Variants in SEMA3A observed in about 807,000 individuals in gnomAD.
The protein encoded by SEMA3A is semaphorin-3A.
In SEMA3A, 29 loss-of-function variants were observed where a neutral mutation model predicts 97.9. The ratio of observed to expected loss-of-function variants is 0.30; its 90% CI spans 0.22 to 0.40. SEMA3A has a LOEUF of 0.40. SEMA3A is among the 10% of genes least tolerant of loss of function. SEMA3A has a pLI of 1.00. For missense variants in SEMA3A, 763 were observed against 951.3 expected, an observed-to-expected ratio of 0.80 and a Z score of 2.60; for synonymous variants, 321 against 323.7, an observed-to-expected ratio of 0.99 and a Z score of 0.09.
intron 1 of SEMA3A, among the ~76,000 whole-genome samples, chr7:84,142,349 TA>T (rs1460234774): frequency 6.6e-6 from 1 of 152,096 alleles, no homozygotes; most frequent in African/African-American, 2.4e-5. Flanking sequence ...CCTAAATCTG[TA>T]ACAGCAACAA....
At chr7:84,424,567 TAAATATTAATATATATTA>T (rs1562942609) in intron 1 of SEMA3A, among the ~76,000 whole-genome samples, 6 of 80,644 alleles carry the variant, frequency 7.4e-5, no homozygotes, top group African/African-American at 3.9e-4. Flanking sequence ...ATATAATATA[TAAATATTAATATATATTA>T]TATATAATAT....
At chr7:83,963,461 C>T (rs1788555658) in intron 15 of SEMA3A, 114 bp from the exon 16 acceptor site, 1 of 1,129,542 alleles carries the variant, frequency 8.9e-7, no homozygotes, top group Non-Finnish European at 1.3e-6. Context: ...GAAGTTGTTT[C>T]ACATTGATTG....
intron 2 of SEMA3A, among the ~76,000 whole-genome samples, chr7:84,331,285 T>C (rs1274192543): frequency 6.6e-6 from 1 of 152,078 alleles, no homozygotes; most frequent in East Asian, 1.9e-4. Context: ...CTTCCAAAGA[T>C]TTTTTAGCTT....
intron 15 of SEMA3A, 90 bp from the exon 16 acceptor site, chr7:83,963,437 T>A (rs1363399579): frequency 7.2e-7 from 1 of 1,389,534 alleles, no homozygotes; most frequent in East Asian, 2.3e-5. Context: ...AGGAGACAAG[T>A]TATTGCCAAG....
intron 1 of SEMA3A, among the ~76,000 whole-genome samples, chr7:84,417,149 A>AAAGGGT (rs1291381751): frequency 6.6e-6 from 1 of 152,110 alleles, no homozygotes; most frequent in African/African-American, 2.4e-5. Context: ...AACCATGAAC[A>AAAGGGT]AAGGGTACAT....
At chr7:83,983,976 A>G (rs1789525456) in intron 13 of SEMA3A, among the ~76,000 whole-genome samples, 1 of 152,166 alleles carries the variant, frequency 6.6e-6, no homozygotes, top group South Asian at 2.1e-4. Flanking sequence ...ACGAAATCAA[A>G]TCATTTCTTC....
chr7:84,328,861 G>C (rs1801836840), intron 2 of SEMA3A, among the ~76,000 whole-genome samples: 1 of 151,948 alleles, frequency 6.6e-6, no homozygotes, highest in African/African-American at 2.4e-5. Context: ...TAATTTAAAT[G>C]AATCACACAC....
chr7:84,184,309 T>A (rs1279093265), intron 1 of SEMA3A, among the ~76,000 whole-genome samples: 1 of 152,134 alleles, frequency 6.6e-6, no homozygotes, highest in Non-Finnish European at 1.5e-5. Context: ...GAAACCGTAA[T>A]CCTGTACTGA....
chr7:84,236,368 G>T (rs1480118563), intron 3 of SEMA3A, among the ~76,000 whole-genome samples: 2 of 151,920 alleles, frequency 1.3e-5, no homozygotes, highest in Non-Finnish European at 1.5e-5. Context: ...TTCTATCCTA[G>T]ATATCCAATA....
At chr7:84,117,712 A>C (rs1795477153) in intron 3 of SEMA3A, among the ~76,000 whole-genome samples, 1 of 152,180 alleles carries the variant, frequency 6.6e-6, no homozygotes, top group African/African-American at 2.4e-5. Flanking sequence ...CCTGTGAAAA[A>C]ATTGTCTTCC....
At chr7:84,366,492 C>A (rs1802851693) in intron 2 of SEMA3A, among the ~76,000 whole-genome samples, 1 of 151,152 alleles carries the variant, frequency 6.6e-6, no homozygotes, top group Non-Finnish European at 1.5e-5. Flanking sequence ...TCCTTTTTAT[C>A]AATCTGCTAT....
intron 1 of SEMA3A, among the ~76,000 whole-genome samples, chr7:84,492,129 A>G (rs1382931762): frequency 6.6e-6 from 1 of 152,132 alleles, no homozygotes; most frequent in African/African-American, 2.4e-5. Context: ...GAAACTGACA[A>G]AATACTTGCA....
At chr7:84,132,963 C>T (rs907175499) in intron 2 of SEMA3A, among the ~76,000 whole-genome samples, 12 of 152,188 alleles carry the variant, frequency 7.9e-5, no homozygotes, top group African/African-American at 2.2e-4. Context: ...ACATGAGCCA[C>T]CGCACCAGAC....
intron 4 of SEMA3A, among the ~76,000 whole-genome samples, chr7:84,071,359 G>T (rs575420366): frequency 6.6e-6 from 1 of 152,070 alleles, no homozygotes; most frequent in African/African-American, 2.4e-5. Flanking sequence ...TTTGACATGA[G>T]ATCACAATCA....
chr7:84,107,927 C>T (rs1237764251), intron 4 of SEMA3A, among the ~76,000 whole-genome samples: 1 of 152,068 alleles, frequency 6.6e-6, no homozygotes, highest in East Asian at 1.9e-4. Flanking sequence ...CCATAATTTA[C>T]AATATCTGAT....
At chr7:84,425,321 T>A (rs1396059882) in intron 1 of SEMA3A, among the ~76,000 whole-genome samples, 1 of 107,680 alleles carries the variant, frequency 9.3e-6, no homozygotes, top group African/African-American at 4.7e-5. Flanking sequence ...TATAATGATA[T>A]AAATATAAAT....
intron 12 of SEMA3A, among the ~76,000 whole-genome samples, chr7:83,994,925 C>G (rs1299997358): frequency 2.0e-5 from 3 of 152,088 alleles, no homozygotes; most frequent in Non-Finnish European, 4.4e-5. Context: ...CTAGCTGCCG[C>G]CTTGCAGTTT....
intron 3 of SEMA3A, among the ~76,000 whole-genome samples, chr7:84,207,986 A>G (rs1374624914): frequency 2.6e-5 from 4 of 152,162 alleles, no homozygotes; most frequent in African/African-American, 9.7e-5. Flanking sequence ...ATATGCACAC[A>G]TGCACATGTA....
At chr7:84,064,036 A>T (rs1273257190) in intron 4 of SEMA3A, among the ~76,000 whole-genome samples, 16 of 152,138 alleles carry the variant, frequency 1.1e-4, no homozygotes, top group African/African-American at 2.9e-4. Context: ...CGGGTTACCC[A>T]CAAAGGGAAG....
Sources: allele counts gnomAD v4.1 joint callset (sites outside exome capture counted in the v4.1 genomes callset), GRCh38; gene constraint gnomAD v4.1.1; transcripts MANE v1.5; gene names NCBI Gene and HGNC (gene_info 2026-07-23, HGNC 2026-07-21).